DAB1: variants seen among roughly 807,000 people sequenced by gnomAD.
The protein encoded by DAB1 is DAB adaptor protein 1.
DAB1 carries 15 observed loss-of-function variants against 64.6 expected under a neutral mutation model. The observed-to-expected ratio is 0.23, with a 90% CI of 0.16 to 0.36. DAB1 has a LOEUF of 0.36. DAB1 is among the 10% of genes least tolerant of loss of function. The probability of loss-of-function intolerance (pLI) is 1.00; values close to 1 mark genes in which losing one functional copy is unlikely to be tolerated. For missense variants in DAB1, 596 were observed against 706.7 expected (o/e 0.84, Z 1.78); for synonymous variants, 235 against 251.9 (o/e 0.93, Z 0.64).
At chr1:58,016,227 C>A (rs1646737288) in intron 5 of DAB1, among the ~76,000 whole-genome samples, 1 of 152,124 alleles carries the variant, frequency 6.6e-6, no homozygotes, top group Non-Finnish European at 1.5e-5. Flanking sequence ...AGTCTCTGAA[C>A]CAACCATTCT....
intron 3 of DAB1, among the ~76,000 whole-genome samples, chr1:58,414,718 G>A (rs1644701558): frequency 6.6e-6 from 1 of 151,798 alleles, no homozygotes; most frequent in Non-Finnish European, 1.5e-5. Flanking sequence ...AAAGTCGGGG[G>A]TGAGCAGAGA....
intron 7 of DAB1, among the ~76,000 whole-genome samples, chr1:57,521,872 G>A (rs1644531249): frequency 6.6e-6 from 1 of 152,174 alleles, no homozygotes; most frequent in Admixed American, 6.5e-5. Context: ...CACTTTGGGT[G>A]GCTGAGGCGG....
intron 5 of DAB1, among the ~76,000 whole-genome samples, chr1:58,102,269 G>C (rs530117148): frequency 6.6e-6 from 1 of 152,286 alleles, no homozygotes; most frequent in South Asian, 2.1e-4. Flanking sequence ...CTGTCCTGTT[G>C]AATAGGACCT....
chr1:58,074,723 A>T (rs1248989693), intron 5 of DAB1, among the ~76,000 whole-genome samples: 1 of 151,732 alleles, frequency 6.6e-6, no homozygotes, highest in Non-Finnish European at 1.5e-5. Flanking sequence ...CGTGGCCTCC[A>T]GTGATACTGC....
At chr1:58,214,802 A>G (rs1341744277) in intron 4 of DAB1, among the ~76,000 whole-genome samples, 7 of 152,188 alleles carry the variant, frequency 4.6e-5, no homozygotes, top group Non-Finnish European at 1.0e-4. Flanking sequence ...TAAGATCACC[A>G]TTTCCAGACA....
At chr1:57,309,920 TG>T (rs1258235381) in intron 1 of DAB1, among the ~76,000 whole-genome samples, 2 of 151,994 alleles carry the variant, frequency 1.3e-5, no homozygotes, top group Non-Finnish European at 2.9e-5. Flanking sequence ...ATCAATCACA[TG>T]GGGGGATGCA....
At chr1:57,374,801 C>T (rs1003738689) in intron 1 of DAB1, among the ~76,000 whole-genome samples, 1 of 152,086 alleles carries the variant, frequency 6.6e-6, no homozygotes, top group South Asian at 2.1e-4. Flanking sequence ...ATGGCCTGTG[C>T]GTCAGTATTT....
chr1:58,108,025 C>G (rs549459306), intron 5 of DAB1, among the ~76,000 whole-genome samples: 1 of 152,252 alleles, frequency 6.6e-6, no homozygotes, highest in East Asian at 1.9e-4. Flanking sequence ...GGACAATGGA[C>G]AGCAAGAGAA....
chr1:57,769,877 G>A (rs1649482192), intron 6 of DAB1, among the ~76,000 whole-genome samples: 1 of 152,034 alleles, frequency 6.6e-6, no homozygotes, highest in South Asian at 2.1e-4. Flanking sequence ...CTTCTCCTGT[G>A]TCCTGAGGCT....
intron 5 of DAB1, among the ~76,000 whole-genome samples, chr1:58,090,659 T>A (rs931163059): frequency 3.9e-5 from 6 of 152,204 alleles, no homozygotes; most frequent in Non-Finnish European, 7.3e-5. Context: ...TGAACCCTCA[T>A]GCTATACTTC....
At chr1:57,778,642 A>G (rs1283988160) in intron 6 of DAB1, among the ~76,000 whole-genome samples, 1 of 152,082 alleles carries the variant, frequency 6.6e-6, no homozygotes, top group Non-Finnish European at 1.5e-5. Context: ...TAATTCAAAA[A>G]TATTCTACTT....
chr1:57,810,321 G>A (rs1448145432), intron 6 of DAB1, among the ~76,000 whole-genome samples: 1 of 152,206 alleles, frequency 6.6e-6, no homozygotes, highest in Non-Finnish European at 1.5e-5. Flanking sequence ...ATGGCACAGG[G>A]TGATGGAGGG....
intron 7 of DAB1, among the ~76,000 whole-genome samples, chr1:57,487,203 GT>G (rs1233857350): frequency 6.6e-6 from 1 of 152,200 alleles, no homozygotes; most frequent in Non-Finnish European, 1.5e-5. Flanking sequence ...GGTAGATATA[GT>G]TCCTCTTAAT....
chr1:57,409,850 C>T (rs527981352), intron 1 of DAB1, among the ~76,000 whole-genome samples: 2 of 152,204 alleles, frequency 1.3e-5, no homozygotes, highest in East Asian at 3.9e-4. Context: ...TCAGATAATC[C>T]ACCAGGCAAA....
chr1:57,424,851 C>A (rs940594657), upstream of DAB1, among the ~76,000 whole-genome samples: 1 of 152,156 alleles, frequency 6.6e-6, no homozygotes, highest in African/African-American at 2.4e-5. Context: ...CCCCTGAGAG[C>A]ACGCAGACCA....
chr1:58,036,847 T>G (rs1647052097), intron 5 of DAB1, among the ~76,000 whole-genome samples: 3 of 152,182 alleles, frequency 2.0e-5, no homozygotes, highest in Admixed American at 2.0e-4. Flanking sequence ...GCCTAGATTA[T>G]CTTCTTCTCC....
chr1:57,947,290 C>T (rs1015139079), intron 5 of DAB1, among the ~76,000 whole-genome samples: 1 of 152,098 alleles, frequency 6.6e-6, no homozygotes, highest in Non-Finnish European at 1.5e-5. Context: ...CAAAGACAGT[C>T]CAGTGCCCAA....
chr1:57,869,534 T>A (rs1263122712), intron 1 of DAB1, among the ~76,000 whole-genome samples: 1 of 151,970 alleles, frequency 6.6e-6, no homozygotes, highest in Non-Finnish European at 1.5e-5. Context: ...TCATTTTACA[T>A]AAGGAAAAAA....
chr1:58,116,530 T>A (rs2797610), intron 5 of DAB1, among the ~76,000 whole-genome samples: 1,774 of 152,320 alleles, frequency 0.012, 42 homozygotes, highest in African/African-American at 0.041. Context: ...TTCCTTGATC[T>A]TCTTCAATGT....
Sources: allele counts gnomAD v4.1 joint callset (sites outside exome capture counted in the v4.1 genomes callset), GRCh38; gene constraint gnomAD v4.1.1; transcripts MANE v1.5; gene names NCBI Gene and HGNC (gene_info 2026-07-23, HGNC 2026-07-21).